CRTAC1: variants seen among roughly 807,000 people sequenced by gnomAD.
The protein encoded by CRTAC1 is acidic secreted protein in cartilage.
Under a neutral mutation model 67.8 loss-of-function variants are expected in CRTAC1, and 37 were observed. That is an observed-to-expected ratio of 0.55 (90% CI 0.42 to 0.72). CRTAC1 has a LOEUF of 0.72. Ranked by LOEUF, CRTAC1 falls within the 30% of genes least tolerant of loss-of-function variation. The pLI is 0.00. For synonymous variants in CRTAC1, 348 were observed against 371.0 expected (o/e 0.94, Z 0.71); for missense variants, 780 against 931.6 (o/e 0.84, Z 2.12).
chr10:97,970,451 G>A (rs1185752381), intron 2 of CRTAC1, among the ~76,000 whole-genome samples: 3 of 152,254 alleles, frequency 2.0e-5, no homozygotes, highest in South Asian at 2.1e-4. Flanking sequence ...TGTCCTCAGG[G>A]CCAGCGTGGT....
At chr10:97,917,234 C>T (rs1209912131) in intron 5 of CRTAC1, among the ~76,000 whole-genome samples, 1 of 152,206 alleles carries the variant, frequency 6.6e-6, no homozygotes, top group South Asian at 2.1e-4. Flanking sequence ...GTGGTGTTCT[C>T]ACATCCCACT....
At chr10:97,935,569 C>T (rs992571252) in intron 3 of CRTAC1, among the ~76,000 whole-genome samples, 1 of 152,128 alleles carries the variant, frequency 6.6e-6, no homozygotes, top group African/African-American at 2.4e-5. Flanking sequence ...CACTTCAGTT[C>T]GGGAAGCTCC....
chr10:97,942,771 T>C (rs113511257), intron 2 of CRTAC1, among the ~76,000 whole-genome samples: 1 of 145,658 alleles, frequency 6.9e-6, no homozygotes, highest in East Asian at 2.0e-4. Flanking sequence ...CATTAAAAAG[T>C]GAAAAAAAAA....
At chr10:97,889,710 G>A (rs895326109) in intron 11 of CRTAC1, among the ~76,000 whole-genome samples, 1 of 152,104 alleles carries the variant, frequency 6.6e-6, no homozygotes, top group South Asian at 2.1e-4. Flanking sequence ...ATACATGTCC[G>A]TGTACTCACA....
intron 2 of CRTAC1, among the ~76,000 whole-genome samples, chr10:97,994,245 T>A (rs1842514189): frequency 6.6e-6 from 1 of 152,226 alleles, no homozygotes. Context: ...CAAAAACTCC[T>A]TCACAAACCT....
At chr10:98,017,980 T>G (rs1271585136) in intron 1 of CRTAC1, among the ~76,000 whole-genome samples, 1 of 150,912 alleles carries the variant, frequency 6.6e-6, no homozygotes, top group African/African-American at 2.4e-5. Flanking sequence ...GCGGATTGCT[T>G]GAGGTCAGGA....
At chr10:97,893,898 T>C (rs1205922285) in intron 11 of CRTAC1, among the ~76,000 whole-genome samples, 2 of 152,252 alleles carry the variant, frequency 1.3e-5, no homozygotes, top group African/African-American at 2.4e-5. Context: ...CTCACCATAG[T>C]GCCCTGGTGA....
At chr10:97,983,052 C>T (rs1421342004) in intron 2 of CRTAC1, among the ~76,000 whole-genome samples, 1 of 152,230 alleles carries the variant, frequency 6.6e-6, no homozygotes, top group Non-Finnish European at 1.5e-5. Context: ...AACGTGGTGA[C>T]TGAGTGTGCT....
intron 4 of CRTAC1, among the ~76,000 whole-genome samples, chr10:97,920,174 C>T (rs185190853): frequency 1.3e-5 from 2 of 152,270 alleles, no homozygotes; most frequent in East Asian, 3.9e-4. Context: ...AAACCCTTCC[C>T]GACCCTACCA....
chr10:97,913,765 G>C (rs985319023), intron 5 of CRTAC1, among the ~76,000 whole-genome samples: 1 of 152,148 alleles, frequency 6.6e-6, no homozygotes, highest in African/African-American at 2.4e-5. Flanking sequence ...CTGGCTGTCA[G>C]ATCTGGCTTC....
chr10:97,926,989 C>A (rs60207403), intron 3 of CRTAC1, among the ~76,000 whole-genome samples: 11,758 of 152,232 alleles, frequency 0.077, 582 homozygotes, highest in African/African-American at 0.14. Flanking sequence ...TAGCTTCATC[C>A]CTGAGATGCC....
chr10:97,986,531 G>A (rs977457084), intron 2 of CRTAC1, among the ~76,000 whole-genome samples: 1 of 151,750 alleles, frequency 6.6e-6, no homozygotes, highest in Non-Finnish European at 1.5e-5. Flanking sequence ...TGCCAACTGA[G>A]GACAATACAA....
chr10:97,934,366 C>A (rs1358838196), intron 3 of CRTAC1, among the ~76,000 whole-genome samples: 1 of 152,146 alleles, frequency 6.6e-6, no homozygotes, highest in Non-Finnish European at 1.5e-5. Flanking sequence ...ATCTCTCAGG[C>A]CTCACTTGGT....
At chr10:97,877,608 G>A (rs1243065498) in intron 14 of CRTAC1, among the ~76,000 whole-genome samples, 1 of 152,102 alleles carries the variant, frequency 6.6e-6, no homozygotes, top group Non-Finnish European at 1.5e-5. Flanking sequence ...CAAATATTTG[G>A]CACATTGTAG....
At chr10:97,969,097 T>A (rs965919075) in intron 2 of CRTAC1, among the ~76,000 whole-genome samples, 1 of 152,168 alleles carries the variant, frequency 6.6e-6, no homozygotes, top group Non-Finnish European at 1.5e-5. Flanking sequence ...AATTATATGG[T>A]CACTCCCTTC....
intron 2 of CRTAC1, among the ~76,000 whole-genome samples, chr10:97,952,960 C>T (rs527823877): frequency 1.9e-3 from 285 of 152,340 alleles, no homozygotes; most frequent in Non-Finnish European, 3.5e-3. Context: ...CATGCTGCCT[C>T]CATCCTTCCC....
In CRTAC1 at chr10:97,942,052, G is replaced by A. The variant is rs1252049229; in HGVS notation, c.225-5686C>T. Among the ~76,000 whole-genome samples, 7 of 152,042 alleles carry A rather than the reference G, an allele frequency of 4.6e-5. No individual in the cohort carries two copies. In the South Asian group the frequency reaches 6.3e-4, roughly 14 times the overall value. ...CCAGAACACTCTCCAACCATTCCCC[G>A]CCTGTTTGGTCCTACAGTGAGCTCC... On this transcript the variant is annotated intron_variant, in intron 2 of 14. Transcript: ENST00000370597.
At chr10:97,938,072 C>T (rs529811681) in intron 2 of CRTAC1, among the ~76,000 whole-genome samples, 2 of 152,314 alleles carry the variant, frequency 1.3e-5, no homozygotes, top group African/African-American at 4.8e-5. Context: ...TGGGCACCTT[C>T]GGGCACCCAT....
chr10:97,944,199 G>A (rs1255735758), intron 2 of CRTAC1, among the ~76,000 whole-genome samples: 1 of 152,150 alleles, frequency 6.6e-6, no homozygotes, highest in Non-Finnish European at 1.5e-5. Flanking sequence ...AAGCCAAGGT[G>A]GGTGGATCAC....
Sources: allele counts gnomAD v4.1 joint callset (sites outside exome capture counted in the v4.1 genomes callset), GRCh38; gene constraint gnomAD v4.1.1; transcripts MANE v1.5; gene names NCBI Gene and HGNC (gene_info 2026-07-23, HGNC 2026-07-21).